Variants in PXDNL observed in about 807,000 individuals in gnomAD.
The protein encoded by PXDNL is probable oxidoreductase PXDNL.
PXDNL carries 145 observed loss-of-function variants against 150.8 expected under a neutral mutation model. The ratio of observed to expected loss-of-function variants is 0.96; its 90% confidence interval spans 0.84 to 1.10. PXDNL has a LOEUF of 1.10. PXDNL is among the 50% of genes least tolerant of loss of function. The pLI, the probability that PXDNL is intolerant of heterozygous loss-of-function variation, is 0.00. For synonymous variants in PXDNL, 757 were observed against 725.7 expected (o/e 1.04, Z -0.69); for missense variants, 2,087 against 1,873.9 (o/e 1.11, Z -2.10).
At chr8:51,784,696 A>G (rs551148576) in intron 1 of PXDNL, among the ~76,000 whole-genome samples, 1 of 152,008 alleles carries the variant, frequency 6.6e-6, no homozygotes, top group African/African-American at 2.4e-5. Context: ...CTCATCAGAG[A>G]GGCACTTATT....
At chr8:51,553,651 C>T (rs1251207297) in intron 4 of PXDNL, among the ~76,000 whole-genome samples, 2 of 150,898 alleles carry the variant, frequency 1.3e-5, no homozygotes, top group Non-Finnish European at 3.0e-5. Context: ...GAACCGCTTC[C>T]CAAACAATGA....
chr8:51,436,455 A>C, intron 12 of PXDNL: 1 of 359,852 alleles, frequency 2.8e-6, no homozygotes, highest in South Asian at 2.5e-5. Flanking sequence ...AGCAAGCGAA[A>C]GATGTGCAGA....
intron 2 of PXDNL, among the ~76,000 whole-genome samples, chr8:51,619,341 C>G (rs1814191344): frequency 6.6e-6 from 1 of 152,134 alleles, no homozygotes; most frequent in Non-Finnish European, 1.5e-5. Context: ...ATCACATGAC[C>G]CCCTTTACAG....
At chr8:51,755,396 G>A (rs2037090013) in intron 1 of PXDNL, among the ~76,000 whole-genome samples, 1 of 151,856 alleles carries the variant, frequency 6.6e-6, no homozygotes, top group Non-Finnish European at 1.5e-5. Flanking sequence ...CTGGGTTCAA[G>A]CAATTCTCCT....
intron 19 of PXDNL, among the ~76,000 whole-genome samples, chr8:51,350,618 G>T (rs1029889481): frequency 6.6e-6 from 1 of 152,020 alleles, no homozygotes; most frequent in Non-Finnish European, 1.5e-5. Flanking sequence ...GCCTCCCAAA[G>T]TGCTGGGATT....
intron 13 of PXDNL, among the ~76,000 whole-genome samples, chr8:51,425,713 C>T (rs1041887078): frequency 5.3e-5 from 8 of 151,620 alleles, no homozygotes; most frequent in South Asian, 2.1e-4. Flanking sequence ...CCCAGCTACT[C>T]GGAGAGGCTG....
chr8:51,455,334 C>A lies in PXDNL; in HGVS notation c.983-1549G>T, dbSNP rs188745117. On this transcript the variant is annotated intron_variant, in intron 9 of 22. Coordinates refer to ENST00000356297, the MANE Select transcript of PXDNL (RefSeq NM_144651.5). ...AGAGTAATGATACCAATAGAGATAG[C>A]AAACACAGGATGCTGTGGGTTTGTG... 1.7e-3 allele frequency among the ~76,000 whole-genome samples: 254 copies of A among 151,998 alleles called. 1 individual carries two copies. Among genetic ancestry groups the A allele is most frequent in the African/African-American group, 5.5e-3 (230 of 41,488 alleles).
At chr8:51,637,723 G>C (rs1256674763) in intron 2 of PXDNL, among the ~76,000 whole-genome samples, 1 of 152,218 alleles carries the variant, frequency 6.6e-6, no homozygotes, top group South Asian at 2.1e-4. Context: ...ATCTACATCT[G>C]ATTGGTCTAC....
At chr8:51,653,515 TCC>T (rs985520585) in intron 2 of PXDNL, among the ~76,000 whole-genome samples, 2 of 152,220 alleles carry the variant, frequency 1.3e-5, no homozygotes, top group African/African-American at 2.4e-5. Flanking sequence ...AATTTGCATG[TCC>T]ACAAGCACTC....
At chr8:51,533,503 C>G (rs966494446) in intron 4 of PXDNL, among the ~76,000 whole-genome samples, 3 of 123,208 alleles carry the variant, frequency 2.4e-5, no homozygotes, top group South Asian at 2.7e-4. Context: ...CCCCCTCCCC[C>G]TCCCTCTCCC....
chr8:51,601,575 T>C (rs759923588), intron 2 of PXDNL, among the ~76,000 whole-genome samples: 4 of 152,082 alleles, frequency 2.6e-5, no homozygotes, highest in Non-Finnish European at 4.4e-5. Context: ...TGGCAGATTT[T>C]TCACTAACCC....
chr8:51,726,398 G>GA (rs1816818567), intron 1 of PXDNL, among the ~76,000 whole-genome samples: 2 of 152,204 alleles, frequency 1.3e-5, no homozygotes, highest in Non-Finnish European at 2.9e-5. Flanking sequence ...AAACCCAAGA[G>GA]AAATGGAATT....
intron 1 of PXDNL, among the ~76,000 whole-genome samples, chr8:51,684,478 C>T (rs1269944813): frequency 2.0e-5 from 3 of 152,178 alleles, no homozygotes; most frequent in Non-Finnish European, 4.4e-5. Flanking sequence ...GAACCCAACT[C>T]CATTTTACAC....
At chr8:51,689,670 C>T (rs772103782) in intron 1 of PXDNL, among the ~76,000 whole-genome samples, 24 of 151,944 alleles carry the variant, frequency 1.6e-4, no homozygotes, top group Non-Finnish European at 3.1e-4. Context: ...AGTATATTTA[C>T]GAGAAAACCA....
At chr8:51,480,693 C>G (rs1810580870) in intron 6 of PXDNL, among the ~76,000 whole-genome samples, 1 of 152,194 alleles carries the variant, frequency 6.6e-6, no homozygotes, top group South Asian at 2.1e-4. Flanking sequence ...ATAATTGAAT[C>G]ATGGGGGTGG....
chr8:51,403,526 C>G (rs138686849), intron 17 of PXDNL, among the ~76,000 whole-genome samples: 1 of 152,288 alleles, frequency 6.6e-6, no homozygotes, highest in East Asian at 1.9e-4. Flanking sequence ...GAGTCCGATG[C>G]TAATTCTAGG....
At chr8:51,461,628 A>G (rs1011250546) in intron 8 of PXDNL, among the ~76,000 whole-genome samples, 1 of 152,188 alleles carries the variant, frequency 6.6e-6, no homozygotes, top group African/African-American at 2.4e-5. Context: ...GACATATCAC[A>G]AAGCACAGAG....
At chr8:51,369,828 TG>T (rs1192559615) in intron 19 of PXDNL, among the ~76,000 whole-genome samples, 1 of 152,244 alleles carries the variant, frequency 6.6e-6, no homozygotes, top group Non-Finnish European at 1.5e-5. Flanking sequence ...AACCCTCCTC[TG>T]GTCTGTTACA....
At chr8:51,686,364 T>C (rs1318298561) in intron 1 of PXDNL, among the ~76,000 whole-genome samples, 1 of 152,260 alleles carries the variant, frequency 6.6e-6, no homozygotes, top group Non-Finnish European at 1.5e-5. Context: ...CATGAGCCGG[T>C]ACTTGGAGTA....
Sources: gnomAD v4.1 joint callset for allele counts (sites outside exome capture counted in the v4.1 genomes callset) on GRCh38, gnomAD v4.1.1 for gene constraint, MANE v1.5 for transcripts, NCBI Gene and HGNC (gene_info 2026-07-23, HGNC 2026-07-21) for gene names.